AUTS2: variants seen among roughly 807,000 people sequenced by gnomAD.
AUTS2 encodes autism susceptibility gene 2 protein.
Under a neutral mutation model 112.4 loss-of-function variants are expected in AUTS2, and 17 were observed. That is an observed-to-expected ratio of 0.15 (90% CI 0.10 to 0.23). The LOEUF (loss-of-function observed/expected upper bound fraction) is 0.23. AUTS2 is among the 10% of genes least tolerant of loss of function. AUTS2 has a pLI of 1.00. For synonymous variants in AUTS2, 751 were observed against 702.7 expected (o/e 1.07, Z -1.09); for missense variants, 1,510 against 1,701.6 (o/e 0.89, Z 1.98).
intron 2 of AUTS2, among the ~76,000 whole-genome samples, chr7:69,922,733 A>G (rs1173854912): frequency 1.3e-5 from 2 of 152,228 alleles, no homozygotes; most frequent in African/African-American, 4.8e-5. Context: ...GAGTGTATGC[A>G]TTATATTAGC....
At chr7:70,641,037 C>G (rs1173590618) in intron 5 of AUTS2, among the ~76,000 whole-genome samples, 4 of 152,158 alleles carry the variant, frequency 2.6e-5, no homozygotes, top group Non-Finnish European at 5.9e-5. Context: ...TCTCATTGGT[C>G]TAATCCCTCA....
intron 4 of AUTS2, among the ~76,000 whole-genome samples, chr7:70,332,306 T>G (rs1349410744): frequency 6.6e-6 from 1 of 151,996 alleles, no homozygotes; most frequent in East Asian, 1.9e-4. Context: ...TTCATAGAAA[T>G]AAGAGAGGAC....
intron 3 of AUTS2, among the ~76,000 whole-genome samples, chr7:70,123,713 G>T (rs1447855762): frequency 6.6e-6 from 1 of 152,110 alleles, no homozygotes; most frequent in Non-Finnish European, 1.5e-5. Context: ...GTATTTCGTG[G>T]TTTACATATA....
At chr7:70,781,568 T>G in intron 14 of AUTS2, 47 bp from the exon 15 acceptor site, 1 of 1,606,204 alleles carries the variant, frequency 6.2e-7, no homozygotes, top group South Asian at 1.1e-5. Context: ...ACACCTTTAT[T>G]CCTTGCTGTT....
At position 70,118,217 on chromosome 7, in the gene AUTS2, G is replaced by A. The variant is rs776704660; in HGVS notation, c.608G>A (p.Arg203Gln). 2.3e-5 allele frequency: 37 copies of A among 1,594,382 alleles called. 1 individual carries two copies. The highest frequency in any genetic ancestry group is 3.3e-4 in the Middle Eastern group (2 of 5,976). ...AAGGGCTTCCACCGGAGCAGCTCTCGGGAAAGGCTCAGTGATGTAAGTTTA... is the reference window on the plus strand; with the variant it reads ...AAGGGCTTCCACCGGAGCAGCTCTCAGGAAAGGCTCAGTGATGTAAGTTTA... ...ESKGFHRSSS[R>Q]ERLSDSSAPS... The change falls in exon 3 of 19, where the codon CGG becomes CAG. Residue 203 changes from arginine (R) to glutamine (Q), a missense_variant. Coordinates refer to ENST00000342771, the MANE Select transcript of AUTS2 (RefSeq NM_015570.4).
intron 1 of AUTS2, among the ~76,000 whole-genome samples, chr7:69,843,721 A>G (rs1311561088): frequency 2.0e-5 from 3 of 152,158 alleles, no homozygotes; most frequent in Non-Finnish European, 4.4e-5. Context: ...CCAGTGTGGT[A>G]ACCTTCTCAT....
chr7:70,708,051 C>G (rs751348667), intron 6 of AUTS2, among the ~76,000 whole-genome samples: 1 of 152,066 alleles, frequency 6.6e-6, no homozygotes, highest in Non-Finnish European at 1.5e-5. Flanking sequence ...TCAAGTGTGC[C>G]CGTTAATAGA....
intron 1 of AUTS2, among the ~76,000 whole-genome samples, chr7:69,853,251 C>T (rs1204539864): frequency 6.6e-6 from 1 of 152,094 alleles, no homozygotes; most frequent in Non-Finnish European, 1.5e-5. Context: ...TCTCCAACTA[C>T]CTTTTGTCTA....
intron 4 of AUTS2, among the ~76,000 whole-genome samples, chr7:70,204,556 G>A (rs1169610215): frequency 6.6e-6 from 1 of 152,042 alleles, no homozygotes; most frequent in East Asian, 1.9e-4. Context: ...TCAATAAGAG[G>A]CCCTGTATAT....
At chr7:70,071,645 A>C (rs1802772524) in intron 2 of AUTS2, among the ~76,000 whole-genome samples, 1 of 152,180 alleles carries the variant, frequency 6.6e-6, no homozygotes, top group Non-Finnish European at 1.5e-5. Context: ...GCAGATTACA[A>C]CTTTGTAGCT....
At chr7:70,776,143 G>A (rs781456389) in intron 13 of AUTS2, among the ~76,000 whole-genome samples, 2 of 152,200 alleles carry the variant, frequency 1.3e-5, no homozygotes, top group African/African-American at 2.4e-5. Flanking sequence ...AACTGACCCA[G>A]ACTTGCATTT....
chr7:70,296,694 A>T (rs931195845), intron 4 of AUTS2, among the ~76,000 whole-genome samples: 2 of 152,184 alleles, frequency 1.3e-5, no homozygotes, highest in African/African-American at 2.4e-5. Flanking sequence ...CACCCTTATC[A>T]ACCATGCTGA....
chr7:69,888,059 C>T (rs1794353219), intron 1 of AUTS2, among the ~76,000 whole-genome samples: 1 of 152,058 alleles, frequency 6.6e-6, no homozygotes, highest in African/African-American at 2.4e-5. Flanking sequence ...GCCTCTAATC[C>T]CAACACTTGG....
rs1173554110 is a variant in AUTS2, at chr7:70,766,562, G to A, written c.1689+228G>A. ...GCAGTTGTATCCAGCACTGCGGGCG[G>A]AAATGATTCCATCTGCCCTCAAAAC... On this transcript the variant is annotated intron_variant, in intron 9 of 18. Transcript: ENST00000342771. The surrounding 1 kb of genome is among the most constrained non-coding windows in gnomAD (Gnocchi z 4.8). Among the ~76,000 whole-genome samples the A allele has an allele frequency of 6.6e-6, 1 of 152,202 alleles. No homozygotes were observed. The highest frequency in any genetic ancestry group is 1.9e-4 in the East Asian group (1 of 5,192).
intron 4 of AUTS2, among the ~76,000 whole-genome samples, chr7:70,193,247 A>T (rs1809997400): frequency 6.6e-6 from 1 of 152,202 alleles, no homozygotes; most frequent in Non-Finnish European, 1.5e-5. Context: ...TAGTGGCATT[A>T]TCTAAACGTA....
At chr7:69,889,938 T>C (rs1370062564) in intron 1 of AUTS2, among the ~76,000 whole-genome samples, 1 of 152,224 alleles carries the variant, frequency 6.6e-6, no homozygotes, top group East Asian at 1.9e-4. Flanking sequence ...GTGTACGTTA[T>C]TGCCCTAAGC....
chr7:70,235,230 C>A (rs1812259500), intron 4 of AUTS2, among the ~76,000 whole-genome samples: 2 of 151,996 alleles, frequency 1.3e-5, no homozygotes, highest in African/African-American at 4.8e-5. Flanking sequence ...AACTCCTGGG[C>A]TCAAGTGGTC....
At chr7:70,669,441 C>G (rs903961367) in intron 5 of AUTS2, among the ~76,000 whole-genome samples, 1 of 152,196 alleles carries the variant, frequency 6.6e-6, no homozygotes, top group African/African-American at 2.4e-5. Context: ...GAGAAAGTGC[C>G]TGTGCTCTGT....
At chr7:70,586,721 T>C (rs1802706398) in intron 5 of AUTS2, among the ~76,000 whole-genome samples, 1 of 152,168 alleles carries the variant, frequency 6.6e-6, no homozygotes, top group Admixed American at 6.5e-5. Flanking sequence ...TCTGGGTGGA[T>C]TTGCCTCCGG....
Sources: allele counts gnomAD v4.1 joint callset (sites outside exome capture counted in the v4.1 genomes callset), GRCh38; gene constraint gnomAD v4.1.1; non-coding constraint Gnocchi (gnomAD v3.1); transcripts MANE v1.5; gene names NCBI Gene and HGNC (gene_info 2026-07-23, HGNC 2026-07-21).